LIPH: variants seen among roughly 807,000 people sequenced by gnomAD.
LIPH encodes the protein lipase H.
Under a neutral mutation model 47.6 loss-of-function variants are expected in LIPH, and 32 were observed. The observed-to-expected ratio is 0.67, with a 90% CI of 0.51 to 0.90. LIPH has a LOEUF of 0.90. Among genes scored for constraint, LIPH ranks in the 40% least tolerant of loss-of-function variants. The pLI is 0.00. For synonymous variants in LIPH, 190 were observed against 195.6 expected (o/e 0.97, Z 0.24); for missense variants, 497 against 541.4 (o/e 0.92, Z 0.81).
chr3:185,518,285 T>C (rs1719792973), intron 6 of LIPH, among the ~76,000 whole-genome samples: 1 of 152,198 alleles, frequency 6.6e-6, no homozygotes, highest in Admixed American at 6.5e-5. Context: ...TTTGTTTGTT[T>C]GTTTGCTTTT....
chr3:185,552,241 C>CTT (rs11381400), intron 1 of LIPH, among the ~76,000 whole-genome samples, 182 bp downstream of exon 1: 4 of 125,968 alleles, frequency 3.2e-5, no homozygotes, highest in Non-Finnish European at 3.4e-5. Flanking sequence ...TAACCTGTAT[C>CTT]TTTTTTTTTT....
chr3:185,543,792 T>C (rs1720785846), intron 1 of LIPH, among the ~76,000 whole-genome samples: 1 of 151,810 alleles, frequency 6.6e-6, no homozygotes, highest in Non-Finnish European at 1.5e-5. Context: ...TGTCCATTGC[T>C]CACTGAGTCC....
At chr3:185,538,816 T>C (rs59249768) in intron 1 of LIPH, among the ~76,000 whole-genome samples, 2 of 9,166 alleles carry the variant, frequency 2.2e-4, no homozygotes, top group Admixed American at 3.2e-3. Flanking sequence ...TATACATATA[T>C]ACACACATAT....
intron 9 of LIPH, among the ~76,000 whole-genome samples, chr3:185,509,400 G>A (rs1428890358): frequency 6.6e-5 from 10 of 151,952 alleles, no homozygotes; most frequent in African/African-American, 1.9e-4. Context: ...AGGCCAAGGC[G>A]GGTGGATCAC....
At chr3:185,526,600 TAAAATAAAA>T (rs1280706264) in intron 4 of LIPH, among the ~76,000 whole-genome samples, 38 of 95,294 alleles carry the variant, frequency 4.0e-4, no homozygotes, top group African/African-American at 1.3e-3. Context: ...TAAAATAAAA[TAAAATAAAA>T]AATAAAATAA....
intron 5 of LIPH, among the ~76,000 whole-genome samples, chr3:185,521,261 A>T (rs1719893532): frequency 6.6e-6 from 1 of 152,212 alleles, no homozygotes; most frequent in Non-Finnish European, 1.5e-5. Flanking sequence ...TAGTTTAACT[A>T]TTATGCTGTT....
chr3:185,522,193 G>A (rs574583376), intron 5 of LIPH, among the ~76,000 whole-genome samples: 6 of 152,296 alleles, frequency 3.9e-5, no homozygotes, highest in African/African-American at 1.2e-4. Flanking sequence ...GTGACAACAA[G>A]CCGGACATAA....
intron 1 of LIPH, among the ~76,000 whole-genome samples, chr3:185,544,981 T>C (rs1486096834): frequency 5.3e-5 from 8 of 152,160 alleles, no homozygotes; most frequent in African/African-American, 2.4e-5. Flanking sequence ...ATCAGATACT[T>C]GTATGCCTTC....
intron 1 of LIPH, among the ~76,000 whole-genome samples, chr3:185,548,203 G>A (rs1215718125): frequency 1.3e-5 from 2 of 151,786 alleles, no homozygotes; most frequent in African/African-American, 2.4e-5. Flanking sequence ...TCAAGAGATC[G>A]AGACCATCCT....
chr3:185,517,164 T>A lies in LIPH; in HGVS notation c.887-2A>T. ...CTTTCCAATTATCAGCATAATAGCC[T>A]ATGAAACAAGTTTAAAAAATTGTAA... On this transcript the variant is annotated splice_acceptor_variant, in intron 6 of 9. Coordinates refer to ENST00000296252, the MANE Select transcript of LIPH (RefSeq NM_139248.3). LOFTEE classifies it high-confidence loss of function. The A allele has an allele frequency of 6.5e-7, 1 of 1,532,982 alleles. No individual in the cohort carries two copies. Among genetic ancestry groups the A allele is most frequent in the Non-Finnish European group, 9.0e-7 (1 of 1,106,244 alleles). 95.0% of individuals were successfully genotyped at this position (1,532,982 alleles called of 1,614,324 possible). A position where few individuals can be genotyped will look rare whatever the true frequency, so the allele number is the denominator to read the frequency against.
intron 1 of LIPH, among the ~76,000 whole-genome samples, chr3:185,544,069 T>G (rs1456512680): frequency 6.6e-6 from 1 of 152,146 alleles, no homozygotes; most frequent in East Asian, 1.9e-4. Context: ...CAGGCTGGTC[T>G]CGAACTCCTG....
At chr3:185,546,387 A>G (rs1720874058) in intron 1 of LIPH, among the ~76,000 whole-genome samples, 2 of 147,032 alleles carry the variant, frequency 1.4e-5, no homozygotes, top group Admixed American at 1.4e-4. Context: ...AAAGCTGGGC[A>G]TGGTGGTGCA....
chr3:185,510,109 A>T (rs1004035156), intron 9 of LIPH, among the ~76,000 whole-genome samples: 1 of 151,862 alleles, frequency 6.6e-6, no homozygotes, highest in Non-Finnish European at 1.5e-5. Context: ...ACCACTGCCC[A>T]GCTAATTTTT....
At chr3:185,543,555 A>G (rs1267240198) in intron 1 of LIPH, among the ~76,000 whole-genome samples, 1 of 152,176 alleles carries the variant, frequency 6.6e-6, no homozygotes, top group African/African-American at 2.4e-5. Flanking sequence ...AGGCCACTTA[A>G]TGGGACATAA....
At chr3:185,508,947 A>G (rs1719468929) in intron 9 of LIPH, 70 bp from the exon 10 acceptor site, 3 of 920,998 alleles carry the variant, frequency 3.3e-6, no homozygotes, top group Admixed American at 1.9e-5. Flanking sequence ...AAATAATATT[A>G]TATCCTTAAG....
chr3:185,531,280 C>T (rs1047571731), intron 3 of LIPH, among the ~76,000 whole-genome samples: 1 of 152,080 alleles, frequency 6.6e-6, no homozygotes, highest in African/African-American at 2.4e-5. Flanking sequence ...GGTGCGGTGG[C>T]TCATGTCTGT....
At chr3:185,521,412 C>G (rs541839675) in intron 5 of LIPH, among the ~76,000 whole-genome samples, 1 of 152,258 alleles carries the variant, frequency 6.6e-6, no homozygotes, top group Admixed American at 6.5e-5. Context: ...TGCTGAAACC[C>G]CTCTGCTTTA....
At chr3:185,527,387 A>G in intron 4 of LIPH, 97 bp downstream of exon 4, 1 of 898,388 alleles carries the variant, frequency 1.1e-6, no homozygotes, top group Non-Finnish European at 1.9e-6. Context: ...GTTAGAATCT[A>G]GAGGAACCTG....
intron 2 of LIPH, among the ~76,000 whole-genome samples, chr3:185,534,095 C>T (rs573950054): frequency 6.6e-6 from 1 of 152,206 alleles, no homozygotes; most frequent in South Asian, 2.1e-4. Flanking sequence ...CAGTGGCTCA[C>T]GCCTGTAATC....
Sources: gnomAD v4.1 joint callset for allele counts (sites outside exome capture counted in the v4.1 genomes callset) on GRCh38, gnomAD v4.1.1 for gene constraint, MANE v1.5 for transcripts, NCBI Gene and HGNC (gene_info 2026-07-23, HGNC 2026-07-21) for gene names.